The following IQCM variants were observed in gnomAD, a reference collection of about 807,000 sequenced individuals.
The protein encoded by IQCM is IQ domain-containing protein M.
A neutral mutation model predicts 57.6 loss-of-function variants in IQCM; 45 were observed. That is an observed-to-expected ratio of 0.78 (90% CI 0.62 to 1.00). IQCM has a LOEUF of 1.00. Among genes scored for constraint, IQCM ranks in the 50% least tolerant of loss-of-function variants. The pLI is 0.00. For synonymous variants in IQCM, 148 were observed against 158.9 expected (o/e 0.93, Z 0.51); for missense variants, 468 against 511.6 (o/e 0.91, Z 0.82).
chr4:149,414,020 T>C (rs1733573997), intron 13 of IQCM, among the ~76,000 whole-genome samples: 1 of 152,220 alleles, frequency 6.6e-6, no homozygotes, highest in African/African-American at 2.4e-5. Context: ...TTTCTAGTTC[T>C]AGTATTAATG....
At chr4:149,564,830 C>A (rs1047456615) in intron 9 of IQCM, among the ~76,000 whole-genome samples, 2 of 148,012 alleles carry the variant, frequency 1.4e-5, no homozygotes, top group Admixed American at 1.4e-4. Context: ...TATATATATT[C>A]CATTAGTTCT....
At chr4:149,762,194 C>T (rs1256521016) in intron 2 of IQCM, among the ~76,000 whole-genome samples, 4 of 149,130 alleles carry the variant, frequency 2.7e-5, no homozygotes, top group East Asian at 2.0e-4. Flanking sequence ...AAATAATTTT[C>T]ATGATTAAAG....
At chr4:149,697,530 C>G (rs4835167) in intron 5 of IQCM, among the ~76,000 whole-genome samples, 1 of 151,858 alleles carries the variant, frequency 6.6e-6, no homozygotes, top group Non-Finnish European at 1.5e-5. Flanking sequence ...GGAGTCAGGA[C>G]GTGCCATAAA....
chr4:149,618,934 T>C (rs1251318304), intron 8 of IQCM, among the ~76,000 whole-genome samples: 1 of 152,010 alleles, frequency 6.6e-6, no homozygotes, highest in Non-Finnish European at 1.5e-5. Flanking sequence ...TTCTCAGAAC[T>C]AAAAATAGAA....
intron 12 of IQCM, among the ~76,000 whole-genome samples, chr4:149,472,733 T>A (rs1739714522): frequency 6.6e-6 from 1 of 152,108 alleles, no homozygotes; most frequent in Admixed American, 6.5e-5. Context: ...ACTACAAGGC[T>A]ACAGTAACCA....
chr4:149,715,528 T>TGC (rs1764917677), intron 5 of IQCM, among the ~76,000 whole-genome samples: 1 of 152,192 alleles, frequency 6.6e-6, no homozygotes. Context: ...GAAGGACCGC[T>TGC]GCTCTTCTCT....
intron 2 of IQCM, among the ~76,000 whole-genome samples, chr4:149,758,448 T>C (rs532558300): frequency 6.6e-6 from 1 of 152,304 alleles, no homozygotes; most frequent in East Asian, 1.9e-4. Context: ...ACACCAAAGT[T>C]ATTATTCATG....
At chr4:149,514,891 G>A (rs1744780846) in intron 12 of IQCM, 2 of 152,178 alleles carry the variant, frequency 1.3e-5, no homozygotes. Flanking sequence ...GACTGGTTTA[G>A]CCTCCCAGCC....
chr4:149,358,648 T>A (rs1200404568), intron 13 of IQCM, among the ~76,000 whole-genome samples: 3 of 152,064 alleles, frequency 2.0e-5, no homozygotes, highest in African/African-American at 7.2e-5. Context: ...TCCTGGATAA[T>A]ATATTAAATA....
chr4:149,412,929 T>C (rs1578974712), intron 13 of IQCM, among the ~76,000 whole-genome samples: 1 of 151,894 alleles, frequency 6.6e-6, no homozygotes, highest in Non-Finnish European at 1.5e-5. Context: ...GAGTGGTGGG[T>C]GATGGAGTGG....
chr4:149,571,723 C>T (rs537607797), intron 9 of IQCM, among the ~76,000 whole-genome samples: 161 of 152,020 alleles, frequency 1.1e-3, no homozygotes, highest in Middle Eastern at 3.4e-3. Flanking sequence ...ATATATACTT[C>T]GAAGCATCAT....
chr4:149,756,517 T>C (rs1050214312), intron 2 of IQCM, among the ~76,000 whole-genome samples: 9 of 152,036 alleles, frequency 5.9e-5, no homozygotes, highest in African/African-American at 2.2e-4. Context: ...TCAAAAGTGC[T>C]ACTAAAAAAT....
chr4:149,557,903 A>G (rs1343853589), intron 10 of IQCM, among the ~76,000 whole-genome samples: 2 of 152,162 alleles, frequency 1.3e-5, no homozygotes, highest in Admixed American at 6.6e-5. Flanking sequence ...TTTTTATCTT[A>G]AACTATCCTT....
At chr4:149,375,524 T>C (rs1220878029) in intron 13 of IQCM, among the ~76,000 whole-genome samples, 1 of 152,214 alleles carries the variant, frequency 6.6e-6, no homozygotes, top group Non-Finnish European at 1.5e-5. Context: ...TATGTGTATA[T>C]ATAGTAAACA....
At chr4:149,810,658 G>A (rs1243523659) in intron 2 of IQCM, among the ~76,000 whole-genome samples, 1 of 151,906 alleles carries the variant, frequency 6.6e-6, no homozygotes, top group Admixed American at 6.6e-5. Flanking sequence ...CACCATGTTG[G>A]TCAGGCTGGT....
Position 149,548,551 on chromosome 4 carries a change from T to C in IQCM, c.1132A>G (p.Lys378Glu). 8.1e-7 allele frequency: 1 copy of C among 1,230,492 alleles called. No individual in the cohort carries two copies. Among genetic ancestry groups the C allele is most frequent in the Non-Finnish European group, 1.0e-6 (1 of 986,526 alleles). 76.2% of individuals were successfully genotyped at this position (1,230,492 alleles called of 1,614,324 possible). The change falls in exon 12 of 14, where the codon AAA becomes GAA. Residue 378 changes from lysine to glutamate, a missense_variant. Lys to Glu is a moderately conservative substitution (Grantham distance 56, BLOSUM62 1). Transcript: ENST00000636793. ...IMFAKREDWP[K>E]IERNELPNFF... ...TTGGGGAGCTCATTTCTTTCAATTT[T>C]TGGCCAATCTTCCCTCTTAGCAAAC...
At chr4:149,703,943 A>C (rs764815094) in intron 5 of IQCM, among the ~76,000 whole-genome samples, 1 of 151,874 alleles carries the variant, frequency 6.6e-6, no homozygotes, top group Non-Finnish European at 1.5e-5. Context: ...GTATACTAAG[A>C]ATTCCTTTCA....
At position 149,390,287 on chromosome 4, in the gene IQCM, G is replaced by T. The variant is rs1471629668; in HGVS notation, c.1391-38221C>A. 2.0e-5 allele frequency among the ~76,000 whole-genome samples: 3 copies of T among 151,938 alleles called. No homozygotes were observed. The East Asian group carries it at 5.8e-4, about 30-fold the overall frequency. ...ATTACTGATATATAGAAATACAATTGGATTTGTATATTAATTTACCTTGTA... is the reference window on the plus strand; with the variant it reads ...ATTACTGATATATAGAAATACAATTTGATTTGTATATTAATTTACCTTGTA... On this transcript the variant is annotated intron_variant, in intron 13 of 13. Transcript: ENST00000636793.
chr4:149,365,457 C>A lies in IQCM; in HGVS notation c.1391-13391G>T, dbSNP rs568290689. Among the ~76,000 whole-genome samples, 9 of 152,138 alleles carry A rather than the reference C, an allele frequency of 5.9e-5. No individual in the cohort carries two copies. In the South Asian group the frequency reaches 1.9e-3, roughly 32 times the overall value. On this transcript the variant is annotated intron_variant, in intron 13 of 13. Transcript: ENST00000636793. The stretch of plus-strand genomic sequence containing the variant: ...GAATTCTTAATAAGCTTTATAGATA[C>A]CTCCACATCCAGAAGAAAACTTTAA...
Sources: gnomAD v4.1 joint callset for allele counts (sites outside exome capture counted in the v4.1 genomes callset) on GRCh38, gnomAD v4.1.1 for gene constraint, MANE v1.5 for transcripts, NCBI Gene and HGNC (gene_info 2026-07-23, HGNC 2026-07-21) for gene names.